ZNF564: variants seen among roughly 807,000 people sequenced by gnomAD.
The protein encoded by ZNF564 is zinc finger protein 564.
ZNF564 carries 5 observed loss-of-function variants against 10.5 expected under a neutral mutation model. The observed-to-expected ratio is 0.48, with a 90% CI of 0.25 to 1.00. The LOEUF is 1.00. Ranked by LOEUF, ZNF564 falls within the 50% of genes least tolerant of loss-of-function variation. The pLI is 0.16. For synonymous variants in ZNF564, 242 were observed against 218.1 expected (o/e 1.11, Z -0.97); for missense variants, 603 against 669.7 (o/e 0.90, Z 1.10).
intron 1 of ZNF564, among the ~76,000 whole-genome samples, chr19:12,546,351 C>T (rs967955779): frequency 5.3e-5 from 8 of 152,186 alleles, no homozygotes; most frequent in African/African-American, 1.9e-4. Context: ...ACCACCACCA[C>T]CCTTGGTGTT....
rs751097127 is a variant in ZNF564, at chr19:12,527,290, C to A, written c.818G>T (p.Arg273Ile). ...ATGGGGTTTCTCTCCAGTATGAGTT[C>A]TTTCATGTATTCGAAATAAACTGGG... is the stretch of plus-strand genomic sequence containing the variant. ...DRPSLFRIHE[R>I]THTGEKPHEC... Residue 273 changes from arginine to isoleucine, a missense_variant, in exon 4 of 4, where the codon AGA (arginine) becomes ATA (isoleucine). Transcript: ENST00000339282. The A allele has an allele frequency of 6.8e-6, 11 of 1,614,020 alleles. No homozygotes were observed. Among genetic ancestry groups the A allele is most frequent in the Non-Finnish European group, 9.3e-6 (11 of 1,179,998 alleles).
intron 1 of ZNF564, among the ~76,000 whole-genome samples, 155 bp from the exon 2 acceptor site, chr19:12,528,851 G>A (rs118069100): frequency 3.8e-3 from 571 of 152,186 alleles, no homozygotes; most frequent in Non-Finnish European, 6.7e-3. Flanking sequence ...ATCACCTGAG[G>A]TCAGGAACTT....
rs1251875923 is a variant in ZNF564 at position 12,539,964 on chromosome 19, G to GA, written c.4-11269dup. ...CCACTGCACTCCAGCCTGGGTAACA[G>GA]AACGAGACTCCGTCTCAAAAAAAAA... On this transcript the variant is annotated intron_variant, in intron 1 of 3. Coordinates refer to ENST00000339282, the MANE Select transcript of ZNF564 (RefSeq NM_144976.4). Among the ~76,000 whole-genome samples, 3 of 147,188 alleles carry GA rather than the reference G, an allele frequency of 2.0e-5. No individual in the cohort carries two copies. In the East Asian group the frequency reaches 5.9e-4, roughly 29 times the overall value.
In ZNF564 at chr19:12,526,642, G is replaced by A; in HGVS notation, c.1466C>T (p.Ala489Val). ...CKECGKAFNY[A>V]SSIRIHERTH... ...TCTTTCATGTATTCTAATGGAACTG[G>A]CATAATTGAATGCTTTCCCACATTC... is the stretch of plus-strand genomic sequence containing the variant. The change falls in exon 4 of 4, where the codon GCC (alanine) becomes GTC (valine). Residue 489 changes from alanine (A) to valine (V), a missense_variant. Physicochemically the swap from Ala to Val is moderately conservative, Grantham distance 64. Coordinates refer to ENST00000339282, the MANE Select transcript of ZNF564 (RefSeq NM_144976.4). 1 of 1,614,030 alleles carries A rather than the reference G, an allele frequency of 6.2e-7. No individual in the cohort carries two copies. The highest frequency in any genetic ancestry group is 8.5e-7 in the Non-Finnish European group (1 of 1,179,982).
chr19:12,550,505 A>G, intron 1 of ZNF564: 1 of 286,640 alleles, frequency 3.5e-6, no homozygotes, highest in Non-Finnish European at 7.5e-6. Flanking sequence ...AAAATACAAA[A>G]AGTAGCCGGT....
chr19:12,527,591 C>T lies in ZNF564; in HGVS notation c.517G>A (p.Glu173Lys). The T allele has an allele frequency of 6.2e-7, 1 of 1,614,140 alleles. No homozygotes were observed. Among genetic ancestry groups the T allele is most frequent in the South Asian group, 1.1e-5 (1 of 91,080 alleles). ...HTGEKPYACP[E>K]CGKAFISLPS... ...AGAGAAATGAAGGCTTTCCCACATT[C>T]CGGACATGCATAGGGTTTCTCACCA... Residue 173 changes from glutamate (E) to lysine (K), a missense_variant, in exon 4 of 4, where the codon GAA becomes AAA. Physicochemically the swap from Glu to Lys is moderately conservative, Grantham distance 56 (BLOSUM62 1). Transcript: ENST00000339282.
intron 1 of ZNF564, chr19:12,548,238 G>A: frequency 4.9e-6 from 4 of 822,624 alleles, no homozygotes; most frequent in Non-Finnish European, 5.8e-6. Context: ...TTTTTTTTGA[G>A]ACGGAGTCTA....
At chr19:12,543,372 G>A (rs1364337285) in intron 1 of ZNF564, among the ~76,000 whole-genome samples, 2 of 147,966 alleles carry the variant, frequency 1.4e-5, no homozygotes, top group Admixed American at 6.8e-5. Flanking sequence ...GAAAGGGAAG[G>A]GACCACTTCT....
intron 1 of ZNF564, among the ~76,000 whole-genome samples, chr19:12,531,074 A>C (rs2145068582): frequency 6.6e-6 from 1 of 152,314 alleles, no homozygotes; most frequent in East Asian, 1.9e-4. Flanking sequence ...AGAAAGAATG[A>C]AATGTCCTCA....
intron 1 of ZNF564, among the ~76,000 whole-genome samples, chr19:12,543,192 C>G (rs1445106589): frequency 1.3e-5 from 2 of 151,580 alleles, no homozygotes; most frequent in Non-Finnish European, 2.9e-5. Context: ...ATCCCAGCTA[C>G]TCAGGAGGCT....
At position 12,527,431 on chromosome 19, in the gene ZNF564, T is replaced by G. The variant is rs1302374279; in HGVS notation, c.677A>C (p.Glu226Ala). ...ERTHTGEKPY[E>A]CQECAKAFIS... is the part of the protein sequence containing the mutation. ...GAAAGCTTTTGCACATTCCTGACAT[T>G]CATAGGGTTTCTCTCCAGTGTGAGT... The change falls in exon 4 of 4, where the codon GAA (glutamate) becomes GCA (alanine). Residue 226 changes from glutamate to alanine, a missense_variant. Physicochemically the swap from Glu to Ala is moderately radical, Grantham distance 107. Coordinates refer to ENST00000339282, the MANE Select transcript of ZNF564 (RefSeq NM_144976.4). The G allele has an allele frequency of 8.1e-6, 13 of 1,613,658 alleles. No homozygotes were observed. The highest frequency in any genetic ancestry group is 1.1e-5 in the Non-Finnish European group (13 of 1,179,836).
intron 1 of ZNF564, among the ~76,000 whole-genome samples, chr19:12,529,276 T>C (rs1266088306): frequency 6.6e-6 from 1 of 152,052 alleles, no homozygotes. Context: ...CAGGATCCAG[T>C]TCACCTTGGA....
intron 1 of ZNF564, among the ~76,000 whole-genome samples, chr19:12,543,347 GGGGAAGGGGAAGGGGAAA>G (rs1337356612): frequency 6.7e-6 from 1 of 148,414 alleles, no homozygotes; most frequent in African/African-American, 2.5e-5. Flanking sequence ...GGAAGGGGAA[GGGGAAGGGGAAGGGGAAA>G]GGGAAGGGAC....
At chr19:12,550,709 GA>G (rs1477676900) in intron 1 of ZNF564, 1 of 157,102 alleles carries the variant, frequency 6.4e-6, no homozygotes, top group Non-Finnish European at 1.4e-5. Context: ...AGAGTATGGT[GA>G]AAGAAACTAT....
chr19:12,548,639 A>G (rs2022197243), intron 1 of ZNF564: 1 of 566,800 alleles, frequency 1.8e-6, no homozygotes, highest in African/African-American at 1.9e-5. Flanking sequence ...CGCGGCTGGC[A>G]AGACATTTGT....
At chr19:12,549,487 C>G (rs1049496162) in intron 1 of ZNF564, among the ~76,000 whole-genome samples, 1 of 152,148 alleles carries the variant, frequency 6.6e-6, no homozygotes, top group African/African-American at 2.4e-5. Context: ...GGTTCTCGCA[C>G]CATTTCAATG....
intron 1 of ZNF564, among the ~76,000 whole-genome samples, chr19:12,538,883 T>A (rs1007390091): frequency 2.6e-5 from 4 of 152,066 alleles, no homozygotes; most frequent in African/African-American, 7.2e-5. Context: ...AGATGTAATA[T>A]GTTGGTTTAT....
chr19:12,531,361 G>GT, intron 1 of ZNF564, among the ~76,000 whole-genome samples: 1 of 152,008 alleles, frequency 6.6e-6, no homozygotes, highest in Non-Finnish European at 1.5e-5. Flanking sequence ...TGAGTTAGGA[G>GT]TTTGAGTCTG....
At chr19:12,533,163 A>G (rs2021841051) in intron 1 of ZNF564, among the ~76,000 whole-genome samples, 1 of 152,254 alleles carries the variant, frequency 6.6e-6, no homozygotes, top group Non-Finnish European at 1.5e-5. Flanking sequence ...CATACAAAGT[A>G]TGCTCAGACC....
Sources: gnomAD v4.1 joint callset for allele counts (sites outside exome capture counted in the v4.1 genomes callset) on GRCh38, gnomAD v4.1.1 for gene constraint, MANE v1.5 for transcripts, NCBI Gene and HGNC (gene_info 2026-07-23, HGNC 2026-07-21) for gene names.